Variants in GPC5 observed in about 807,000 individuals in gnomAD.
The protein encoded by GPC5 is glypican-5.
GPC5 carries 47 observed loss-of-function variants against 53.9 expected under a neutral mutation model. The ratio of observed to expected loss-of-function variants is 0.87; its 90% CI spans 0.69 to 1.11. GPC5 has a LOEUF of 1.11. Among genes scored for constraint, GPC5 ranks in the 50% most tolerant of loss-of-function variants. GPC5 has a pLI of 0.00. For synonymous variants in GPC5, 286 were observed against 263.3 expected (o/e 1.09, Z -0.84); for missense variants, 748 against 713.1 (o/e 1.05, Z -0.56).
chr13:91,873,241 A>G (rs1372832087), intron 5 of GPC5, among the ~76,000 whole-genome samples: 2 of 152,124 alleles, frequency 1.3e-5, no homozygotes, highest in African/African-American at 4.8e-5. Context: ...TCTGGGAAGT[A>G]TTTTGCATAG....
intron 7 of GPC5, among the ~76,000 whole-genome samples, chr13:92,735,969 G>A (rs962773875): frequency 1.3e-5 from 2 of 151,922 alleles, no homozygotes; most frequent in African/African-American, 4.8e-5. Flanking sequence ...TAACACTGGA[G>A]AGTGCAATAC....
intron 7 of GPC5, among the ~76,000 whole-genome samples, chr13:92,677,465 T>C (rs1886983614): frequency 6.6e-6 from 1 of 152,142 alleles, no homozygotes; most frequent in Non-Finnish European, 1.5e-5. Flanking sequence ...ACAACTCAAC[T>C]AAAACAATGT....
At chr13:92,129,410 A>G (rs2041725617) in intron 6 of GPC5, among the ~76,000 whole-genome samples, 1 of 152,210 alleles carries the variant, frequency 6.6e-6, no homozygotes, top group Non-Finnish European at 1.5e-5. Context: ...TAAAACTAAC[A>G]TTATCAGAAT....
intron 2 of GPC5, among the ~76,000 whole-genome samples, chr13:91,468,030 G>T (rs1209064205): frequency 6.6e-6 from 1 of 152,130 alleles, no homozygotes; most frequent in African/African-American, 2.4e-5. Flanking sequence ...ATCGCTTCCT[G>T]CCCAGGCTGA....
intron 6 of GPC5, among the ~76,000 whole-genome samples, chr13:91,965,002 A>C (rs1365517298): frequency 6.8e-6 from 1 of 146,880 alleles, no homozygotes; most frequent in Admixed American, 7.0e-5. Context: ...CAAACACTGC[A>C]TATTCTCACT....
intron 2 of GPC5, among the ~76,000 whole-genome samples, chr13:91,580,709 A>G (rs1443316220): frequency 6.6e-6 from 1 of 152,210 alleles, no homozygotes; most frequent in African/African-American, 2.4e-5. Context: ...AGCTCTTACC[A>G]TCCACCTTCC....
intron 7 of GPC5, among the ~76,000 whole-genome samples, chr13:92,450,827 C>T (rs1359147599): frequency 1.3e-5 from 2 of 152,098 alleles, no homozygotes; most frequent in Non-Finnish European, 2.9e-5. Flanking sequence ...GTAGCGGTCA[C>T]CAGACTTCTT....
intron 1 of GPC5, among the ~76,000 whole-genome samples, chr13:91,424,515 C>T (rs973185626): frequency 6.6e-6 from 1 of 152,010 alleles, no homozygotes; most frequent in East Asian, 1.9e-4. Context: ...CAGGCATGTA[C>T]CACCACGCCC....
At chr13:91,513,192 C>T (rs866698823) in intron 2 of GPC5, among the ~76,000 whole-genome samples, 2 of 152,168 alleles carry the variant, frequency 1.3e-5, no homozygotes, top group Admixed American at 6.5e-5. Context: ...GATAGATTCA[C>T]AGGCCGTTGT....
chr13:91,500,907 T>C (rs1001060744), intron 2 of GPC5, among the ~76,000 whole-genome samples: 1 of 152,120 alleles, frequency 6.6e-6, no homozygotes, highest in East Asian at 1.9e-4. Flanking sequence ...TCTCATGAGA[T>C]CTGATGGTTT....
At chr13:91,578,771 TGCGGTG>T (rs1421171528) in intron 2 of GPC5, among the ~76,000 whole-genome samples, 1 of 151,958 alleles carries the variant, frequency 6.6e-6, no homozygotes, top group Non-Finnish European at 1.5e-5. Context: ...TTAGGCCGGG[TGCGGTG>T]GCTCGTGCCT....
At chr13:92,129,468 T>C (rs2041726148) in intron 6 of GPC5, among the ~76,000 whole-genome samples, 1 of 152,220 alleles carries the variant, frequency 6.6e-6, no homozygotes, top group Non-Finnish European at 1.5e-5. Context: ...GAAAAATGTC[T>C]AGATATGTGA....
At chr13:92,403,726 G>A (rs1174264494) in intron 7 of GPC5, among the ~76,000 whole-genome samples, 1 of 152,176 alleles carries the variant, frequency 6.6e-6, no homozygotes, top group Non-Finnish European at 1.5e-5. Context: ...TTTCTTCTTA[G>A]TGAGTAGACG....
At chr13:92,799,995 A>G (rs1486149162) in intron 7 of GPC5, among the ~76,000 whole-genome samples, 1 of 151,836 alleles carries the variant, frequency 6.6e-6, no homozygotes, top group Non-Finnish European at 1.5e-5. Context: ...TATCAATTCC[A>G]GTTTCAGAGA....
At chr13:92,586,964 G>A (rs9589588) in intron 7 of GPC5, among the ~76,000 whole-genome samples, 29 of 87,882 alleles carry the variant, frequency 3.3e-4, no homozygotes, top group Non-Finnish European at 3.3e-4. Flanking sequence ...ACACACACAC[G>A]CGCACACACA....
chr13:92,643,264 A>G (rs1885654140), intron 7 of GPC5, among the ~76,000 whole-genome samples: 1 of 152,012 alleles, frequency 6.6e-6, no homozygotes, highest in African/African-American at 2.4e-5. Context: ...TTTTGTTGCC[A>G]TTGCTTTTGG....
chr13:91,880,719 G>GA (rs2039254928), intron 5 of GPC5, among the ~76,000 whole-genome samples: 1 of 152,088 alleles, frequency 6.6e-6, no homozygotes, highest in Admixed American at 6.6e-5. Context: ...TTAAGTTGGG[G>GA]AAAAAGTGAT....
rs565382996 is a variant in GPC5, at chr13:91,498,996, T to C, written c.325+50074T>C. Reference sequence around the variant, plus strand: ...TCAAAAAAAAAGAAAAAAGGAAAGCTGCTGCAGTCATTCAGGTGATCCATG... The same window carrying C: ...TCAAAAAAAAAGAAAAAAGGAAAGCCGCTGCAGTCATTCAGGTGATCCATG... On this transcript the variant is annotated intron_variant, in intron 2 of 7. Transcript: ENST00000377067. Among the ~76,000 whole-genome samples, 5 of 151,392 alleles carry C rather than the reference T, an allele frequency of 3.3e-5. No individual in the cohort carries two copies. The East Asian group carries it at 9.7e-4, about 29-fold the overall frequency.
intron 7 of GPC5, among the ~76,000 whole-genome samples, chr13:92,550,035 A>T (rs910961472): frequency 1.3e-5 from 2 of 151,872 alleles, no homozygotes; most frequent in African/African-American, 4.8e-5. Context: ...CTTAAGCCAG[A>T]GATATCTATT....
Sources: gnomAD v4.1 joint callset for allele counts (sites outside exome capture counted in the v4.1 genomes callset) on GRCh38, gnomAD v4.1.1 for gene constraint, MANE v1.5 for transcripts, NCBI Gene and HGNC (gene_info 2026-07-23, HGNC 2026-07-21) for gene names.